GRID1: variants seen among roughly 807,000 people sequenced by gnomAD.
GRID1 encodes the protein glutamate ionotropic receptor delta type subunit 1.
A neutral mutation model predicts 98.0 loss-of-function variants in GRID1; 28 were observed. The observed-to-expected ratio is 0.29, with a 90% CI of 0.21 to 0.39. GRID1 has a LOEUF of 0.39. Among genes scored for constraint, GRID1 ranks in the 10% least tolerant of loss-of-function variants. GRID1 has a pLI of 1.00. For missense variants in GRID1, 1,111 were observed against 1,340.5 expected (o/e 0.83, Z 2.67); for synonymous variants, 553 against 538.5 (o/e 1.03, Z -0.37).
chr10:86,013,939 C>T (rs1237123244), intron 4 of GRID1, among the ~76,000 whole-genome samples: 1 of 152,200 alleles, frequency 6.6e-6, no homozygotes, highest in East Asian at 1.9e-4. Context: ...AAGATGCTGT[C>T]CCCTGCATCC....
intron 4 of GRID1, among the ~76,000 whole-genome samples, chr10:86,048,566 C>T (rs937535343): frequency 6.6e-6 from 1 of 152,140 alleles, no homozygotes; most frequent in East Asian, 1.9e-4. Context: ...AGGCTAGGGG[C>T]CTGGGCTGAA....
chr10:85,741,928 G>A (rs1032869353), intron 8 of GRID1, among the ~76,000 whole-genome samples: 1 of 152,068 alleles, frequency 6.6e-6, no homozygotes, highest in Non-Finnish European at 1.5e-5. Flanking sequence ...TCTTATCTCT[G>A]ACATTCACAT....
chr10:85,767,508 T>C (rs972033494), intron 8 of GRID1, among the ~76,000 whole-genome samples: 13 of 152,210 alleles, frequency 8.5e-5, no homozygotes, highest in Admixed American at 5.9e-4. Flanking sequence ...AAAAAGAACT[T>C]TGTTAAATGA....
At chr10:86,043,420 C>T (rs1843375356) in intron 4 of GRID1, among the ~76,000 whole-genome samples, 2 of 152,206 alleles carry the variant, frequency 1.3e-5, no homozygotes, top group Admixed American at 6.5e-5. Flanking sequence ...CTGGAGGAAG[C>T]CAGGGAGCCC....
At chr10:86,240,700 T>G (rs767605563) in intron 2 of GRID1, among the ~76,000 whole-genome samples, 5 of 151,114 alleles carry the variant, frequency 3.3e-5, no homozygotes, top group Non-Finnish European at 5.9e-5. Flanking sequence ...AGATAAGGAG[T>G]CCAAGCAGCA....
intron 8 of GRID1, among the ~76,000 whole-genome samples, chr10:85,852,541 A>C (rs1467870734): frequency 6.6e-6 from 1 of 152,234 alleles, no homozygotes; most frequent in East Asian, 1.9e-4. Flanking sequence ...AGTAGGTGGG[A>C]GACGGAAGGA....
intron 4 of GRID1, among the ~76,000 whole-genome samples, chr10:86,133,578 T>G (rs895539752): frequency 6.6e-6 from 1 of 152,258 alleles, no homozygotes; most frequent in Non-Finnish European, 1.5e-5. Flanking sequence ...CCCTTGCTGA[T>G]GTGCTGGCCT....
chr10:85,629,742 G>C (rs892450037), intron 13 of GRID1, among the ~76,000 whole-genome samples: 8 of 152,182 alleles, frequency 5.3e-5, no homozygotes, highest in Admixed American at 4.6e-4. Context: ...CCAGTAGTGA[G>C]ATTGCTGGGT....
At chr10:85,843,878 A>AT (rs35305458) in intron 8 of GRID1, among the ~76,000 whole-genome samples, 41,258 of 151,588 alleles carry the variant, frequency 0.27, 5,776 homozygotes, top group African/African-American at 0.33. Flanking sequence ...TTTGGCTGTA[A>AT]TTTTTTTTTA....
intron 10 of GRID1, among the ~76,000 whole-genome samples, chr10:85,725,977 T>C (rs1841756349): frequency 6.6e-6 from 1 of 152,158 alleles, no homozygotes; most frequent in South Asian, 2.1e-4. Context: ...AGAGATTTAA[T>C]GGAGCAGGAT....
chr10:85,705,796 G>A (rs575232997), intron 12 of GRID1, among the ~76,000 whole-genome samples: 2 of 152,256 alleles, frequency 1.3e-5, no homozygotes, highest in African/African-American at 4.8e-5. Context: ...GGGATGCAAG[G>A]CTGGTTAAAC....
At chr10:85,676,680 G>C (rs918404272) in intron 12 of GRID1, among the ~76,000 whole-genome samples, 1 of 152,194 alleles carries the variant, frequency 6.6e-6, no homozygotes, top group African/African-American at 2.4e-5. Flanking sequence ...TCAAGTTGCA[G>C]AAAGCAATGA....
At chr10:85,731,281 C>A (rs11592732) in intron 8 of GRID1, among the ~76,000 whole-genome samples, 1 of 151,444 alleles carries the variant, frequency 6.6e-6, no homozygotes, top group Non-Finnish European at 1.5e-5. Flanking sequence ...TAATAGGGTG[C>A]CTTGGTGTGA....
At position 86,198,016 on chromosome 10, in the gene GRID1, A is replaced by G. The variant is rs1845899968; in HGVS notation, c.520+8348T>C. Among the ~76,000 whole-genome samples, 2 of 152,082 alleles carry G rather than the reference A, an allele frequency of 1.3e-5. 1 individual carries two copies. The highest frequency in any genetic ancestry group is 4.1e-4 in the South Asian group (2 of 4,822). ...CATAATGATCCAATGTGTATTATTA[A>G]TGAGATCAGCATGGCAGTTCAGTCA... is the stretch of plus-strand genomic sequence containing the variant. On this transcript the variant is annotated intron_variant, in intron 3 of 15. Coordinates refer to ENST00000327946, the MANE Select transcript of GRID1 (RefSeq NM_017551.3).
intron 8 of GRID1, among the ~76,000 whole-genome samples, chr10:85,842,455 C>T (rs1382809986): frequency 1.3e-5 from 2 of 151,848 alleles, no homozygotes; most frequent in African/African-American, 4.8e-5. Flanking sequence ...AACATGTATT[C>T]CTGAACTTAA....
Position 86,238,668 on chromosome 10 carries a change from CAAAAAAA to C in GRID1, c.236-32027_236-32021del, listed in dbSNP as rs931719950. Reference sequence around the variant, plus strand: ...CTGGTGACAGAGCGAGATTCCATCTCAAAAAAAAAAAAAAAAAAAAAAGCGTTTGGCG... The same window carrying C: ...CTGGTGACAGAGCGAGATTCCATCTCAAAAAAAAAAAAAAAGCGTTTGGCG... On this transcript the variant is annotated intron_variant, in intron 2 of 15. Transcript: ENST00000327946. 1.0e-3 allele frequency among the ~76,000 whole-genome samples: 47 copies of C among 47,084 alleles called. 2 individuals are homozygous for C. Among genetic ancestry groups the C allele is most frequent in the Admixed American group, 9.7e-3 (45 of 4,630 alleles). The allele number at this position is 47,084 out of a possible 152,430, so 30.9% of individuals were successfully genotyped here. A position where few individuals can be genotyped will look rare whatever the true frequency, so the allele number is the denominator to read the frequency against.
intron 12 of GRID1, among the ~76,000 whole-genome samples, chr10:85,714,818 C>T (rs1841619963): frequency 6.6e-6 from 1 of 151,880 alleles, no homozygotes; most frequent in Non-Finnish European, 1.5e-5. Flanking sequence ...TTAATACCAC[C>T]CAAAGTGATC....
chr10:85,946,934 A>C (rs1015373819), intron 4 of GRID1, among the ~76,000 whole-genome samples: 6 of 152,168 alleles, frequency 3.9e-5, no homozygotes, highest in African/African-American at 1.4e-4. Context: ...ACAATGCGGA[A>C]ATGTGGATGA....
At chr10:86,045,708 C>G (rs1050614466) in intron 4 of GRID1, among the ~76,000 whole-genome samples, 1 of 152,100 alleles carries the variant, frequency 6.6e-6, no homozygotes, top group African/African-American at 2.4e-5. Flanking sequence ...TCTGAATACT[C>G]CATCCAGCAA....
Sources: gnomAD v4.1 joint callset for allele counts (sites outside exome capture counted in the v4.1 genomes callset) on GRCh38, gnomAD v4.1.1 for gene constraint, MANE v1.5 for transcripts, NCBI Gene and HGNC (gene_info 2026-07-23, HGNC 2026-07-21) for gene names.